Variants in HUWE1 observed in about 807,000 individuals in gnomAD.
HUWE1 encodes the protein HECT, UBA and WWE domain containing E3 ubiquitin protein ligase 1, also known as E3 ubiquitin-protein ligase HUWE1.
A neutral mutation model predicts 299.4 loss-of-function variants in HUWE1; 18 were observed. That is an observed-to-expected ratio of 0.06 (90% CI 0.04 to 0.09). The LOEUF is 0.09. Ranked by LOEUF, HUWE1 falls within the 10% of genes least tolerant of loss-of-function variation. HUWE1 has a pLI of 1.00. For missense variants in HUWE1, 1,832 were observed against 3,462.3 expected, an observed-to-expected ratio of 0.53 and a Z score of 11.82; for synonymous variants, 1,317 against 1,286.1, an observed-to-expected ratio of 1.02 and a Z score of -0.51.
chrX:53,624,369 C>G (rs1408555892), intron 19 of HUWE1, among the ~76,000 whole-genome samples: 2 of 112,114 alleles, frequency 1.8e-5, no homozygotes, highest in African/African-American at 3.2e-5. Context: ...TGGTGGCAGG[C>G]ACCTCTAATC....
At chrX:53,683,764 A>C (rs2070317514) in intron 2 of HUWE1, 80 of 248,777 alleles carry the variant, frequency 3.2e-4, no homozygotes, top group Non-Finnish European at 2.4e-4. Flanking sequence ...GCAGATAGCC[A>C]ACACCTCTGT....
intron 63 of HUWE1, 115 bp from the exon 64 acceptor site, chrX:53,551,595 G>T: frequency 3.0e-6 from 2 of 662,807 alleles, no homozygotes; most frequent in Non-Finnish European, 4.7e-6. Flanking sequence ...TCACTGCAGT[G>T]TTGAGCTCCT....
At chrX:53,685,872 T>C (rs2070411492) in intron 2 of HUWE1, among the ~76,000 whole-genome samples, 1 of 112,016 alleles carries the variant, frequency 8.9e-6, no homozygotes, top group Non-Finnish European at 1.9e-5. Context: ...AACCCATTCA[T>C]TATGGCATTG....
At chrX:53,599,309 T>C (rs1477918422) in intron 29 of HUWE1, among the ~76,000 whole-genome samples, 1 of 112,212 alleles carries the variant, frequency 8.9e-6, no homozygotes, top group Non-Finnish European at 1.9e-5. Context: ...TAATTAAAAG[T>C]AAAATGTAAA....
chrX:53,684,881 C>T (rs1293285660), intron 2 of HUWE1, among the ~76,000 whole-genome samples: 1 of 112,210 alleles, frequency 8.9e-6, no homozygotes, highest in East Asian at 2.8e-4. Flanking sequence ...CCAAAGCCAC[C>T]AATTTTAACT....
At chrX:53,539,193 A>C in intron 75 of HUWE1, 113 bp from the exon 76 acceptor site, 1 of 861,839 alleles carries the variant, frequency 1.2e-6, no homozygotes, top group Non-Finnish European at 1.6e-6. Context: ...GAAATAGTGA[A>C]AACTAGGCTA....
intron 3 of HUWE1, among the ~76,000 whole-genome samples, chrX:53,669,683 C>A (rs967538188): frequency 1.8e-4 from 20 of 112,434 alleles, no homozygotes; most frequent in African/African-American, 6.5e-4. Context: ...TAAAACTACA[C>A]TTCTGCAAAT....
chrX:53,686,504 C>A (rs945414611), intron 1 of HUWE1, 84 bp downstream of exon 1: 21 of 113,494 alleles, frequency 1.9e-4, no homozygotes, highest in African/African-American at 6.7e-4. Flanking sequence ...AACTCCCCCC[C>A]CAACCTCGCC....
chrX:53,661,179 C>T (rs1175339983), intron 3 of HUWE1, among the ~76,000 whole-genome samples: 2 of 109,660 alleles, frequency 1.8e-5, no homozygotes, highest in South Asian at 3.9e-4. Flanking sequence ...GGACTACAGG[C>T]GCCCGCCACC....
chrX:53,578,551 C>T (rs1556962277), intron 43 of HUWE1, among the ~76,000 whole-genome samples: 2 of 95,625 alleles, frequency 2.1e-5, no homozygotes, highest in African/African-American at 8.0e-5. Context: ...GCCCCCCGCC[C>T]GGCCAGCCGC....
At chrX:53,542,703 C>T in intron 73 of HUWE1, 164 bp from the exon 74 acceptor site, 1 of 477,279 alleles carries the variant, frequency 2.1e-6, no homozygotes, top group East Asian at 3.7e-5. Context: ...GATGCCTTTC[C>T]CAACTCTTCT....
intron 19 of HUWE1, among the ~76,000 whole-genome samples, chrX:53,619,976 G>A (rs908238180): frequency 1.8e-5 from 2 of 111,669 alleles, no homozygotes; most frequent in African/African-American, 6.5e-5. Context: ...CCATACCAGA[G>A]GTAAACACTC....
chrX:53,670,803 A>T (rs962713501), intron 3 of HUWE1, among the ~76,000 whole-genome samples: 3 of 111,697 alleles, frequency 2.7e-5, no homozygotes, highest in Admixed American at 1.9e-4. Flanking sequence ...AAAATATGGC[A>T]GCAGATATGT....
intron 7 of HUWE1, among the ~76,000 whole-genome samples, chrX:53,638,371 A>C (rs1343223344): frequency 1.8e-5 from 2 of 111,967 alleles, no homozygotes; most frequent in Non-Finnish European, 3.8e-5. Context: ...AAAATACATA[A>C]GTAACTTCTG....
rs1474342467 is a variant in HUWE1 at position 53,548,065 on chromosome X, G to C, written c.10244C>G (p.Ala3415Gly). ...KNSVKSVPVS[A>G]GGEGETSPYS... The stretch of plus-strand genomic sequence containing the variant: ...TGGAGAGGTTTCCCCCTCACCGCCA[G>C]CGCTCACTGGCACTGACTTCACGGA... The change falls in exon 68 of 84, where the codon GCT (alanine) becomes GGT (glycine). Residue 3415 changes from alanine (A) to glycine (G), a missense_variant. Ala to Gly is a moderately conservative substitution (Grantham distance 60). This residue lies in a region of HUWE1 where 119 missense variants were observed against 124.6 expected (regional missense o/e 0.96). Transcript: ENST00000262854. The C allele has an allele frequency of 8.3e-7, 1 of 1,207,948 alleles. No individual in the cohort carries two copies. The highest frequency in any genetic ancestry group is 1.7e-5 in the African/African-American group (1 of 57,200).
intron 44 of HUWE1, among the ~76,000 whole-genome samples, chrX:53,576,680 A>AG (rs782039465): frequency 8.9e-6 from 1 of 112,045 alleles, no homozygotes; most frequent in East Asian, 2.8e-4. Context: ...CACCCTCACT[A>AG]GGTAAGGTGC....
intron 74 of HUWE1, 90 bp from the exon 75 acceptor site, chrX:53,539,902 G>C: frequency 1.1e-6 from 1 of 910,459 alleles, no homozygotes; most frequent in Non-Finnish European, 1.5e-6. Context: ...CTAATATACA[G>C]AACAAGTAGA....
At chrX:53,657,201 T>C (rs936538534) in intron 3 of HUWE1, among the ~76,000 whole-genome samples, 4 of 112,343 alleles carry the variant, frequency 3.6e-5, no homozygotes, top group African/African-American at 1.3e-4. Flanking sequence ...CTTCTTCAAA[T>C]TGATTAAAAT....
chrX:53,612,604 T>C (rs1226367796), intron 23 of HUWE1, among the ~76,000 whole-genome samples: 3 of 111,588 alleles, frequency 2.7e-5, no homozygotes, highest in African/African-American at 9.8e-5. Flanking sequence ...GAGGAGCTTA[T>C]AGGTGAGTGA....
Sources: allele counts gnomAD v4.1 joint callset (sites outside exome capture counted in the v4.1 genomes callset), GRCh38; gene constraint gnomAD v4.1.1; regional missense constraint gnomAD v4.1.1; transcripts MANE v1.5; gene names NCBI Gene and HGNC (gene_info 2026-07-23, HGNC 2026-07-21).